F13A1: variants seen among roughly 807,000 people sequenced by gnomAD.
The protein encoded by F13A1 is coagulation factor XIII A chain.
A neutral mutation model predicts 80.1 loss-of-function variants in F13A1; 47 were observed. The observed-to-expected ratio is 0.59, with a 90% CI of 0.46 to 0.75. The LOEUF is 0.75. Ranked by LOEUF, F13A1 falls within the 30% of genes least tolerant of loss-of-function variation. F13A1 has a pLI of 0.00. For missense variants in F13A1, 817 were observed against 930.4 expected (o/e 0.88, Z 1.59); for synonymous variants, 349 against 344.9 (o/e 1.01, Z -0.13).
intron 10 of F13A1, among the ~76,000 whole-genome samples, chr6:6,187,628 A>G (rs1761102646): frequency 8.9e-6 from 1 of 112,550 alleles, no homozygotes; most frequent in Non-Finnish European, 1.8e-5. Flanking sequence ...GTTTGCCAGT[A>G]TTTTATTGAG....
At chr6:6,234,350 A>C (rs1263941993) in intron 6 of F13A1, among the ~76,000 whole-genome samples, 1 of 152,054 alleles carries the variant, frequency 6.6e-6, no homozygotes, top group Non-Finnish European at 1.5e-5. Context: ...CCCCTTTTAC[A>C]CACATTGTCG....
intron 6 of F13A1, 72 bp from the exon 7 acceptor site, chr6:6,224,932 G>A (rs1298363861): frequency 2.1e-5 from 32 of 1,499,016 alleles, no homozygotes; most frequent in Admixed American, 1.5e-4. Flanking sequence ...TATGCATGGC[G>A]CAAGCTATGG....
chr6:6,176,289 G>C (rs1156506048), intron 11 of F13A1, among the ~76,000 whole-genome samples: 1 of 152,196 alleles, frequency 6.6e-6, no homozygotes, highest in African/African-American at 2.4e-5. Context: ...TGAATCATCA[G>C]AACCCTCACT....
rs140452011 is a variant in F13A1 at position 6,276,829 on chromosome 6, A to C, written c.320-10020T>G. Among the ~76,000 whole-genome samples, 457 of 152,352 alleles carry C rather than the reference A, an allele frequency of 3.0e-3. 2 individuals are homozygous for C. Among genetic ancestry groups the C allele is most frequent in the Non-Finnish European group, 5.2e-3 (351 of 68,034 alleles). ...CCGTATTATATGGTGTCTGATGGCT[A>C]TAATAGCAAAGAAATCTTACTAAAC... On this transcript the variant is annotated intron_variant, in intron 3 of 14. Transcript: ENST00000264870.
In F13A1 at chr6:6,224,872, CGTGAGAA is replaced by C. The variant is rs1561660593; in HGVS notation, c.799-19_799-13del. The stretch of plus-strand genomic sequence containing the variant: ...TCTTTGGCATTCACCTAAATGAGTC[CGTGAGAA>C]GTGAGAAGGAAGAAAGTTCATTTAG... On this transcript the variant is annotated splice_polypyrimidine_tract_variant and intron_variant, in intron 6 of 14. Transcript: ENST00000264870. The C allele has an allele frequency of 6.2e-6, 10 of 1,613,878 alleles. No individual in the cohort carries two copies. In the South Asian group the frequency reaches 8.8e-5, roughly 14 times the overall value.
chr6:6,301,077 C>T (rs555290251), intron 3 of F13A1, among the ~76,000 whole-genome samples: 22 of 152,272 alleles, frequency 1.4e-4, no homozygotes, highest in Admixed American at 5.9e-4. Context: ...TTCTAGTTCA[C>T]GTTCTATACT....
chr6:6,222,322 G>A, intron 7 of F13A1, 151 bp from the exon 8 acceptor site: 1 of 1,115,206 alleles, frequency 9.0e-7, no homozygotes, highest in Non-Finnish European at 1.3e-6. Context: ...CTGGAAAAGG[G>A]TGGTCATTCA....
chr6:6,186,067 T>G (rs1388345970), intron 10 of F13A1, among the ~76,000 whole-genome samples: 1 of 150,982 alleles, frequency 6.6e-6, no homozygotes, highest in African/African-American at 2.4e-5. Context: ...TTTGATGGGG[T>G]TGTTTGTTTT....
chr6:6,262,263 G>A (rs1427106065), intron 4 of F13A1, among the ~76,000 whole-genome samples: 4 of 152,016 alleles, frequency 2.6e-5, no homozygotes, highest in Non-Finnish European at 5.9e-5. Context: ...AGGTGATTCT[G>A]ATGTGCTCCA....
intron 6 of F13A1, among the ~76,000 whole-genome samples, chr6:6,237,089 C>A (rs1466077435): frequency 1.3e-5 from 2 of 152,102 alleles, no homozygotes. Flanking sequence ...CACCACCTTT[C>A]TTTAATAATA....
At chr6:6,152,825 A>C (rs1451005948) in intron 13 of F13A1, among the ~76,000 whole-genome samples, 1 of 152,238 alleles carries the variant, frequency 6.6e-6, no homozygotes, top group Non-Finnish European at 1.5e-5. Context: ...CCAGGTGGCT[A>C]TAAGACTTGT....
Position 6,186,361 on chromosome 6 carries a change from A to C in F13A1, c.1306-4220T>G, listed in dbSNP as rs530894259. Among the ~76,000 whole-genome samples the C allele has an allele frequency of 5.9e-5, 9 of 152,292 alleles. No individual in the cohort carries two copies. In the South Asian group the frequency reaches 1.9e-3, roughly 32 times the overall value. On this transcript the variant is annotated intron_variant, in intron 10 of 14. Coordinates refer to ENST00000264870, the MANE Select transcript of F13A1 (RefSeq NM_000129.4). ...TAGGGTTTTTATGGTATAAGGTCTA[A>C]CGTTTAAGTCTTTAATCCATCTTGA...
chr6:6,315,341 G>C (rs1417168716), intron 2 of F13A1, among the ~76,000 whole-genome samples: 1 of 152,124 alleles, frequency 6.6e-6, no homozygotes, highest in Non-Finnish European at 1.5e-5. Context: ...GAATTCAAAG[G>C]GTGACATTAA....
chr6:6,284,938 C>T (rs1758115220), intron 3 of F13A1, among the ~76,000 whole-genome samples: 1 of 152,204 alleles, frequency 6.6e-6, no homozygotes, highest in Non-Finnish European at 1.5e-5. Context: ...GCAACTGTAT[C>T]AGTATAGCTC....
chr6:6,160,896 T>C (rs948037676), intron 13 of F13A1, among the ~76,000 whole-genome samples: 2 of 152,026 alleles, frequency 1.3e-5, no homozygotes, highest in East Asian at 1.9e-4. Flanking sequence ...TGTTTGCTTA[T>C]GCTTGTAACT....
chr6:6,240,511 T>G (rs755433055), intron 6 of F13A1, among the ~76,000 whole-genome samples: 3 of 152,070 alleles, frequency 2.0e-5, no homozygotes, highest in Non-Finnish European at 2.9e-5. Flanking sequence ...TGTGTGTGAA[T>G]TAGTGGGGCC....
Position 6,182,044 on chromosome 6 carries a change from T to G in F13A1, c.1403A>C (p.Lys468Thr). 1.9e-6 allele frequency: 3 copies of G among 1,614,196 alleles called. No individual in the cohort carries two copies. Among genetic ancestry groups the G allele is most frequent in the Non-Finnish European group, 2.5e-6 (3 of 1,180,008 alleles). ...CATCATGCCATCTCCTCCAATTTGT[T>G]TGGTCACAATTAATTTCCCAATGTG... ...ATHIGKLIVTKQIGGDGMMDI... is the reference protein window; with the variant it reads ...ATHIGKLIVTTQIGGDGMMDI... The change falls in exon 11 of 15, where the codon AAA (lysine) becomes ACA (threonine). Residue 468 changes from lysine to threonine, a missense_variant. Physicochemically the swap from Lys to Thr is moderately conservative, Grantham distance 78. Coordinates refer to ENST00000264870, the MANE Select transcript of F13A1 (RefSeq NM_000129.4).
At chr6:6,230,650 G>A (rs1463904525) in intron 6 of F13A1, among the ~76,000 whole-genome samples, 1 of 152,180 alleles carries the variant, frequency 6.6e-6, no homozygotes, top group African/African-American at 2.4e-5. Flanking sequence ...CAAAAATAGA[G>A]CATTAAACAC....
intron 8 of F13A1, among the ~76,000 whole-genome samples, chr6:6,200,657 TAA>T (rs1473767550): frequency 2.0e-5 from 3 of 151,936 alleles, no homozygotes; most frequent in African/African-American, 2.4e-5. Context: ...ATTTTCAAAT[TAA>T]AAGAGACTGA....
Sources: gnomAD v4.1 joint callset for allele counts (sites outside exome capture counted in the v4.1 genomes callset) on GRCh38, gnomAD v4.1.1 for gene constraint, MANE v1.5 for transcripts, NCBI Gene and HGNC (gene_info 2026-07-23, HGNC 2026-07-21) for gene names.